Variants in AGBL4 observed in about 807,000 individuals in gnomAD.
AGBL4 encodes AGBL carboxypeptidase 4.
AGBL4 carries 58 observed loss-of-function variants against 66.4 expected under a neutral mutation model. The observed-to-expected ratio is 0.87, with a 90% CI of 0.71 to 1.09. AGBL4 has a LOEUF of 1.09. AGBL4 is among the 50% of genes least tolerant of loss of function. AGBL4 has a pLI of 0.00. For synonymous variants in AGBL4, 234 were observed against 222.9 expected (o/e 1.05, Z -0.44); for missense variants, 579 against 631.0 (o/e 0.92, Z 0.88).
intron 3 of AGBL4, among the ~76,000 whole-genome samples, chr1:49,535,241 A>G (rs1343837119): frequency 6.6e-6 from 1 of 151,696 alleles, no homozygotes; most frequent in Non-Finnish European, 1.5e-5. Context: ...ATATTAGTCA[A>G]TAATGGCTAA....
intron 3 of AGBL4, among the ~76,000 whole-genome samples, chr1:49,256,571 T>C (rs1394707536): frequency 6.6e-6 from 1 of 152,176 alleles, no homozygotes; most frequent in East Asian, 1.9e-4. Flanking sequence ...TAGACATAGA[T>C]CGAAGATTCA....
chr1:48,721,225 G>A (rs1647141902), intron 6 of AGBL4, among the ~76,000 whole-genome samples: 1 of 152,146 alleles, frequency 6.6e-6, no homozygotes, highest in African/African-American at 2.4e-5. Flanking sequence ...TAAGGTTTAT[G>A]TGAGGTGGAA....
At chr1:49,201,123 G>T (rs2148229775) in intron 4 of AGBL4, among the ~76,000 whole-genome samples, 1 of 152,184 alleles carries the variant, frequency 6.6e-6, no homozygotes, top group East Asian at 1.9e-4. Context: ...TAGAGAAAAG[G>T]GCTCTATATT....
intron 3 of AGBL4, among the ~76,000 whole-genome samples, chr1:49,481,672 G>A (rs1351582644): frequency 6.6e-6 from 1 of 151,894 alleles, no homozygotes; most frequent in Non-Finnish European, 1.5e-5. Flanking sequence ...TTGAATAGGA[G>A]TGGTGAGAGA....
At chr1:49,099,143 C>T (rs74076772) in intron 4 of AGBL4, among the ~76,000 whole-genome samples, 3,846 of 152,208 alleles carry the variant, frequency 0.025, 148 homozygotes, top group African/African-American at 0.084. Flanking sequence ...TCCACTATCC[C>T]ACTAAGCTTG....
At chr1:49,946,323 C>T (rs148564298) in intron 1 of AGBL4, among the ~76,000 whole-genome samples, 3,352 of 152,010 alleles carry the variant, frequency 0.022, 62 homozygotes, top group Non-Finnish European at 0.034. Flanking sequence ...AAACAAGCCT[C>T]AATAAATTTA....
intron 3 of AGBL4, among the ~76,000 whole-genome samples, chr1:49,357,519 A>T (rs866340959): frequency 3.3e-5 from 5 of 152,152 alleles, no homozygotes; most frequent in Non-Finnish European, 7.4e-5. Flanking sequence ...ATATCTGAAA[A>T]ACACAGGTAC....
At chr1:48,622,593 C>T (rs755271187) in intron 9 of AGBL4, among the ~76,000 whole-genome samples, 1 of 145,300 alleles carries the variant, frequency 6.9e-6, no homozygotes. Flanking sequence ...AAGGGATTCT[C>T]ATGCCTCAGC....
chr1:49,197,274 T>C (rs1272443725), intron 4 of AGBL4, among the ~76,000 whole-genome samples: 22 of 152,198 alleles, frequency 1.4e-4, no homozygotes, highest in Admixed American at 1.3e-3. Flanking sequence ...ATCATGCTCG[T>C]GGTTTACCAT....
intron 3 of AGBL4, among the ~76,000 whole-genome samples, chr1:49,445,407 T>G (rs1256561929): frequency 6.6e-6 from 1 of 152,140 alleles, no homozygotes; most frequent in Non-Finnish European, 1.5e-5. Flanking sequence ...TTGAAAAAAT[T>G]TCATCTATTA....
chr1:49,722,847 G>A (rs1648715683), intron 2 of AGBL4, among the ~76,000 whole-genome samples: 1 of 152,006 alleles, frequency 6.6e-6, no homozygotes, highest in Non-Finnish European at 1.5e-5. Context: ...AACTGAGAAA[G>A]AAAAAATTTT....
intron 2 of AGBL4, among the ~76,000 whole-genome samples, chr1:49,819,716 C>T (rs1221829198): frequency 6.6e-6 from 1 of 152,182 alleles, no homozygotes; most frequent in Non-Finnish European, 1.5e-5. Context: ...ACACACCATA[C>T]GCTCTATTCT....
chr1:49,580,223 C>A (rs984208910), intron 3 of AGBL4, among the ~76,000 whole-genome samples: 1 of 152,036 alleles, frequency 6.6e-6, no homozygotes, highest in Non-Finnish European at 1.5e-5. Context: ...AGAACAGTTT[C>A]TTGTATGCAG....
chr1:48,726,604 T>C (rs1246535074), intron 6 of AGBL4, among the ~76,000 whole-genome samples: 1 of 152,186 alleles, frequency 6.6e-6, no homozygotes, highest in African/African-American at 2.4e-5. Context: ...TCCTTATTAC[T>C]GATAAGAACT....
intron 3 of AGBL4, among the ~76,000 whole-genome samples, chr1:49,443,798 T>A (rs918378919): frequency 4.0e-5 from 6 of 150,398 alleles, no homozygotes; most frequent in African/African-American, 1.2e-4. Context: ...ATATATATAT[T>A]TTTAATTTTG....
At chr1:49,434,164 C>T (rs935547441) in intron 3 of AGBL4, among the ~76,000 whole-genome samples, 1 of 152,062 alleles carries the variant, frequency 6.6e-6, no homozygotes, top group African/African-American at 2.4e-5. Flanking sequence ...ATTGGTGGAG[C>T]AAAGGTCTTT....
intron 11 of AGBL4, among the ~76,000 whole-genome samples, chr1:48,568,192 A>G (rs927568852): frequency 6.6e-6 from 1 of 152,034 alleles, no homozygotes. Context: ...TATCACCTAC[A>G]TGCTTAAGCA....
chr1:49,191,997 T>A (rs1431628067), intron 4 of AGBL4, among the ~76,000 whole-genome samples: 1 of 152,152 alleles, frequency 6.6e-6, no homozygotes, highest in Non-Finnish European at 1.5e-5. Context: ...GCTGCTGGGT[T>A]GAGTGGTAGA....
chr1:49,283,241 G>A (rs1019993797), intron 3 of AGBL4, among the ~76,000 whole-genome samples: 5 of 152,154 alleles, frequency 3.3e-5, no homozygotes, highest in Non-Finnish European at 5.9e-5. Flanking sequence ...TAACTGGGAG[G>A]CACCCCCAAG....
Sources: allele counts gnomAD v4.1 joint callset (sites outside exome capture counted in the v4.1 genomes callset), GRCh38; gene constraint gnomAD v4.1.1; transcripts MANE v1.5; gene names NCBI Gene and HGNC (gene_info 2026-07-23, HGNC 2026-07-21).